RBAK: variants seen among roughly 807,000 people sequenced by gnomAD.
RBAK encodes RB associated KRAB zinc finger, also known as RB-associated KRAB zinc finger protein.
A neutral mutation model predicts 65.8 loss-of-function variants in RBAK; 39 were observed. The observed-to-expected ratio is 0.59, with a 90% confidence interval of 0.46 to 0.77. The LOEUF is 0.77. Among genes scored for constraint, RBAK ranks in the 30% least tolerant of loss-of-function variants. The probability of loss-of-function intolerance (pLI) is 0.00; values close to 1 mark genes in which losing one functional copy is unlikely to be tolerated. For synonymous variants in RBAK, 343 were observed against 289.7 expected (o/e 1.18, Z -1.87); for missense variants, 884 against 855.1 (o/e 1.03, Z -0.42).
At chr7:5,058,629 C>CTA (rs1778989433) in intron 4 of RBAK, among the ~76,000 whole-genome samples, 1 of 152,194 alleles carries the variant, frequency 6.6e-6, no homozygotes, top group Non-Finnish European at 1.5e-5. Flanking sequence ...TGATGTGACG[C>CTA]TATAGCACTC....
rs762159063 is a variant in RBAK, at chr7:5,068,569, A to G, written c.*2968A>G. The G allele has an allele frequency of 1.3e-5, 2 of 152,260 alleles. No individual in the cohort carries two copies. The highest frequency in any genetic ancestry group is 2.9e-5 in the Non-Finnish European group (2 of 68,044). 9.4% of individuals were successfully genotyped at this position (152,260 alleles called of 1,614,324 possible). ...GTTAAAATGAAAAGCATGAAAAAGC[A>G]TCACGTTTTGGCAAGGATGTAAGCA... is the stretch of plus-strand genomic sequence containing the variant. On this transcript the variant is annotated 3_prime_UTR_variant, in exon 5 of 5. Coordinates refer to ENST00000396912, the MANE Select transcript of RBAK (RefSeq NM_021163.4).
intron 4 of RBAK, among the ~76,000 whole-genome samples, chr7:5,058,863 C>A (rs1206231869): frequency 1.3e-5 from 2 of 152,190 alleles, no homozygotes; most frequent in Non-Finnish European, 2.9e-5. Flanking sequence ...TATCTAATCT[C>A]ACCTTCTAAG....
In RBAK at chr7:5,063,835, CT is replaced by C; in HGVS notation, c.381del (p.Val128PhefsTer5). The C allele has an allele frequency of 6.2e-7, 1 of 1,613,992 alleles. No homozygotes were observed. Among genetic ancestry groups the C allele is most frequent in the Non-Finnish European group, 8.5e-7 (1 of 1,179,982 alleles). On this transcript the variant is annotated frameshift_variant, in exon 5 of 5. Coordinates refer to ENST00000396912, the MANE Select transcript of RBAK (RefSeq NM_021163.4). LOFTEE classifies it high-confidence loss of function. ...TFSQIYMETS[L>X]VPSSIIAHNC... ...TAGTCAAATTTACATGGAAACAAGC[CT>C]TGTTCCTTCAAGCATAATAGCTCAT... is the stretch of plus-strand genomic sequence containing the variant.
chr7:5,065,734 TC>T lies in RBAK; in HGVS notation c.*135del. ...CATTTAGGCATTAGAGTCATTTTAATCCAAATTTTCACAGAGAAGAATCCCG... is the reference window on the plus strand; with the variant it reads ...CATTTAGGCATTAGAGTCATTTTAATCAAATTTTCACAGAGAAGAATCCCG... On this transcript the variant is annotated 3_prime_UTR_variant, in exon 5 of 5. Transcript: ENST00000396912. The surrounding 1 kb of genome is among the most constrained non-coding windows in gnomAD (Gnocchi z 5.3). 1.7e-6 allele frequency: 1 copy of T among 591,480 alleles called. No homozygotes were observed. Among genetic ancestry groups the T allele is most frequent in the South Asian group, 5.0e-5 (1 of 20,100 alleles). The allele number at this position is 591,480 out of a possible 1,614,324, so 36.6% of individuals were successfully genotyped here.
chr7:5,065,094 G>T lies in RBAK; in HGVS notation c.1638G>T (p.Lys546Asn). 1.2e-6 allele frequency: 2 copies of T among 1,613,988 alleles called. No homozygotes were observed. Among genetic ancestry groups the T allele is most frequent in the Non-Finnish European group, 1.7e-6 (2 of 1,179,970 alleles). Residue 546 changes from lysine (K) to asparagine (N), a missense_variant, in exon 5 of 5, where the codon AAG becomes AAT. By Grantham distance (94) the Lys-to-Asn change is moderately conservative. Transcript: ENST00000396912. This position sits in a 1 kb window ranked among gnomAD's most constrained non-coding sequence, Gnocchi z 5.3. ...EKSYECNVCG[K>N]LFNELSYYTE... ...CCTATGAATGTAATGTATGTGGAAA[G>T]TTATTCAATGAGTTGTCATACTATA...
rs1787965038 is a variant in RBAK at position 5,045,920 on chromosome 7, C to A, written c.-521C>A. The A allele has an allele frequency of 2.9e-6, 1 of 348,132 alleles. No individual in the cohort carries two copies. Among genetic ancestry groups the A allele is most frequent in the East Asian group, 1.5e-4 (1 of 6,842 alleles). 21.6% of individuals were successfully genotyped at this position (348,132 alleles called of 1,614,324 possible). ...CTTGCTCTAGTTCCCAGGCTTTGGC[C>A]TCCAGTGGACGAGAATCGCGGAGCC... On this transcript the variant is annotated 5_prime_UTR_variant, in exon 1 of 5. Coordinates refer to ENST00000396912, the MANE Select transcript of RBAK (RefSeq NM_021163.4).
At chr7:5,053,721 T>C (rs1788164875) in intron 2 of RBAK, among the ~76,000 whole-genome samples, 2 of 152,250 alleles carry the variant, frequency 1.3e-5, no homozygotes, top group Admixed American at 6.5e-5. Context: ...AATCTCTTTT[T>C]TCCACGATGC....
In RBAK at chr7:5,068,431, A is replaced by T. The variant is rs1487252633; in HGVS notation, c.*2830A>T. The T allele has an allele frequency of 6.6e-6, 1 of 152,262 alleles. No homozygotes were observed. Among genetic ancestry groups the T allele is most frequent in the Non-Finnish European group, 1.5e-5 (1 of 68,050 alleles). 9.4% of individuals were successfully genotyped at this position (152,262 alleles called of 1,614,324 possible). A position where few individuals can be genotyped will look rare whatever the true frequency, so the allele number is the denominator to read the frequency against. ...AAAAGACTTTAGAGGATATCCACTC[A>T]CTTTAGAGGATATCCAGACGGCCAA... On this transcript the variant is annotated 3_prime_UTR_variant, in exon 5 of 5. Transcript: ENST00000396912.
At chr7:5,058,798 C>T (rs1034868058) in intron 4 of RBAK, among the ~76,000 whole-genome samples, 1 of 152,130 alleles carries the variant, frequency 6.6e-6, no homozygotes, top group African/African-American at 2.4e-5. Flanking sequence ...CAGGACTGTC[C>T]CCCTAGGACC....
At chr7:5,060,040 G>C (rs946977764) in intron 4 of RBAK, among the ~76,000 whole-genome samples, 5 of 152,160 alleles carry the variant, frequency 3.3e-5, no homozygotes, top group Non-Finnish European at 7.4e-5. Context: ...AGGAGTATAT[G>C]CTCTGTGATT....
chr7:5,054,091 C>T (rs1319508518), intron 2 of RBAK, among the ~76,000 whole-genome samples: 1 of 152,140 alleles, frequency 6.6e-6, no homozygotes, highest in African/African-American at 2.4e-5. Flanking sequence ...AACTCTACTG[C>T]CTGATAATCA....
At position 5,064,208 on chromosome 7, in the gene RBAK, A is replaced by G; in HGVS notation, c.752A>G (p.Tyr251Cys). 2 of 1,614,052 alleles carry G rather than the reference A, an allele frequency of 1.2e-6. No homozygotes were observed. Among genetic ancestry groups the G allele is most frequent in the African/African-American group, 1.3e-5 (1 of 75,052 alleles). ...ATACAGATGTCAAATTTTAATGCAT[A>G]TCAGAGATCACAAATGGAAATGAAG... is the stretch of plus-strand genomic sequence containing the variant. Reference protein sequence around the residue: ...DFIQMSNFNAYQRSQMEMKPF... With the variant: ...DFIQMSNFNACQRSQMEMKPF... The change falls in exon 5 of 5, where the codon TAT becomes TGT. Residue 251 changes from tyrosine to cysteine, a missense_variant. By Grantham distance (194) the Tyr-to-Cys change is radical. Transcript: ENST00000396912. The surrounding 1 kb of genome is among the most constrained non-coding windows in gnomAD (Gnocchi z 6.3).
At chr7:5,063,398 T>G (rs1373316653) in intron 4 of RBAK, among the ~76,000 whole-genome samples, 1 of 152,142 alleles carries the variant, frequency 6.6e-6, no homozygotes, top group Non-Finnish European at 1.5e-5. Context: ...ACATAATATT[T>G]GTAAAGCAAC....
intron 2 of RBAK, among the ~76,000 whole-genome samples, chr7:5,049,048 C>T (rs1788057273): frequency 6.6e-6 from 1 of 152,166 alleles, no homozygotes; most frequent in Non-Finnish European, 1.5e-5. Flanking sequence ...ACCATATCAC[C>T]ATCCATGACA....
chr7:5,064,692 A>G lies in RBAK; in HGVS notation c.1236A>G (p.Arg412=). 1.2e-6 allele frequency: 2 copies of G among 1,612,090 alleles called. No individual in the cohort carries two copies. The highest frequency in any genetic ancestry group is 1.1e-5 in the South Asian group (1 of 90,932). ...ATGAATGTGGGAAATCCTACTACCG[A>G]AAGTCTACTCTGATTACACATCAGA... ...KCNECGKSYY[R]KSTLITHQRT... The change falls in exon 5 of 5, where the codon CGA becomes CGG. Residue 412 remains arginine, a synonymous_variant. Coordinates refer to ENST00000396912, the MANE Select transcript of RBAK (RefSeq NM_021163.4). The surrounding 1 kb of genome is among the most constrained non-coding windows in gnomAD (Gnocchi z 6.3).
chr7:5,065,242 G>A lies in RBAK; in HGVS notation c.1786G>A (p.Glu596Lys). Residue 596 changes from glutamate to lysine, a missense_variant, in exon 5 of 5, where the codon GAA becomes AAA. By Grantham distance (56) the Glu-to-Lys change is moderately conservative. Coordinates refer to ENST00000396912, the MANE Select transcript of RBAK (RefSeq NM_021163.4). The surrounding 1 kb of genome is among the most constrained non-coding windows in gnomAD (Gnocchi z 5.3). ...AGTACACACAGGCGAGAAACCCTAT[G>A]AATGTTACGAATGTGGAAAATTCTT... is the stretch of plus-strand genomic sequence containing the variant. ...QRVHTGEKPY[E>K]CYECGKFFSQ... 6.2e-7 allele frequency: 1 copy of A among 1,613,868 alleles called. No individual in the cohort carries two copies. The highest frequency in any genetic ancestry group is 8.5e-7 in the Non-Finnish European group (1 of 1,179,906).
chr7:5,056,104 C>CTTT (rs887932671), intron 2 of RBAK, among the ~76,000 whole-genome samples: 108 of 107,882 alleles, frequency 1.0e-3, no homozygotes, highest in South Asian at 1.6e-3. Flanking sequence ...TTGCATTTTT[C>CTTT]TTTTTTTTTT....
At position 5,063,816 on chromosome 7, in the gene RBAK, A is replaced by C. The variant is rs200985988; in HGVS notation, c.360A>C (p.Gln120His). 17 of 1,614,072 alleles carry C rather than the reference A, an allele frequency of 1.1e-5. No individual in the cohort carries two copies. The East Asian group carries it at 3.6e-4, about 34-fold the overall frequency. The change falls in exon 5 of 5, where the codon CAA becomes CAC. Residue 120 changes from glutamine to histidine, a missense_variant. Gln to His is a conservative substitution (Grantham distance 24). Coordinates refer to ENST00000396912, the MANE Select transcript of RBAK (RefSeq NM_021163.4). ...LTEEKENTFS[Q>H]IYMETSLVPS... ...AAGAGAAAGAGAATACATTTAGTCAAATTTACATGGAAACAAGCCTTGTTC... is the reference window on the plus strand; with the variant it reads ...AAGAGAAAGAGAATACATTTAGTCACATTTACATGGAAACAAGCCTTGTTC...
At chr7:5,058,834 T>C (rs1420574227) in intron 4 of RBAK, among the ~76,000 whole-genome samples, 7 of 152,254 alleles carry the variant, frequency 4.6e-5, no homozygotes, top group Non-Finnish European at 1.0e-4. Context: ...TGGTTTTCTT[T>C]GTATCCCTTA....
Sources: gnomAD v4.1 joint callset for allele counts (sites outside exome capture counted in the v4.1 genomes callset) on GRCh38, gnomAD v4.1.1 for gene constraint, Gnocchi (gnomAD v3.1) non-coding constraint, MANE v1.5 for transcripts, NCBI Gene and HGNC (gene_info 2026-07-23, HGNC 2026-07-21) for gene names.